The following RNF220 variants were observed in gnomAD, a reference collection of about 807,000 sequenced individuals.
The protein encoded by RNF220 is E3 ubiquitin-protein ligase RNF220.
A neutral mutation model predicts 67.1 loss-of-function variants in RNF220; 7 were observed. The ratio of observed to expected loss-of-function variants is 0.10; its 90% confidence interval spans 0.06 to 0.20. The LOEUF is 0.20. Among genes scored for constraint, RNF220 ranks in the 10% least tolerant of loss-of-function variants. The pLI is 1.00. For missense variants in RNF220, 565 were observed against 740.3 expected, an observed-to-expected ratio of 0.76 and a Z score of 2.75; for synonymous variants, 270 against 283.2, an observed-to-expected ratio of 0.95 and a Z score of 0.47.
intron 2 of RNF220, among the ~76,000 whole-genome samples, chr1:44,543,896 G>A (rs557192121): frequency 1.3e-5 from 2 of 152,288 alleles, no homozygotes; most frequent in South Asian, 4.1e-4. Flanking sequence ...CAGATGAGTG[G>A]GATTACTGGG....
chr1:44,618,279 G>A (rs1436425998), intron 3 of RNF220, among the ~76,000 whole-genome samples: 2 of 152,150 alleles, frequency 1.3e-5, no homozygotes, highest in African/African-American at 4.8e-5. Flanking sequence ...ACATATACAG[G>A]ACATGCAGGT....
At chr1:44,426,645 T>G (rs922259563) in intron 2 of RNF220, among the ~76,000 whole-genome samples, 3 of 150,674 alleles carry the variant, frequency 2.0e-5, no homozygotes, top group African/African-American at 7.3e-5. Context: ...GAGAATTGCT[T>G]GAACTCGAGA....
At chr1:44,640,119 T>G (rs985086877) in intron 8 of RNF220, among the ~76,000 whole-genome samples, 1 of 152,252 alleles carries the variant, frequency 6.6e-6, no homozygotes, top group Non-Finnish European at 1.5e-5. Context: ...GGCTATTTCT[T>G]GATAAAACTT....
At chr1:44,407,501 C>G (rs879401378) in intron 1 of RNF220, among the ~76,000 whole-genome samples, 1 of 151,984 alleles carries the variant, frequency 6.6e-6, no homozygotes, top group Non-Finnish European at 1.5e-5. Context: ...CCGCAGAGAC[C>G]CGGCAAAAGT....
chr1:44,552,973 C>T (rs1255658925), intron 2 of RNF220, among the ~76,000 whole-genome samples: 3 of 152,176 alleles, frequency 2.0e-5, no homozygotes, highest in African/African-American at 4.8e-5. Flanking sequence ...AAATTCCAGC[C>T]GTGCTGAGTT....
chr1:44,596,047 C>T (rs904327084), intron 2 of RNF220, among the ~76,000 whole-genome samples: 10 of 152,286 alleles, frequency 6.6e-5, no homozygotes, highest in Middle Eastern at 3.4e-3. Context: ...TACGGGCGTG[C>T]GCCGCCATGC....
chr1:44,486,533 T>C (rs1392702744), intron 2 of RNF220, among the ~76,000 whole-genome samples: 1 of 152,236 alleles, frequency 6.6e-6, no homozygotes, highest in Non-Finnish European at 1.5e-5. Context: ...TTAACATTGA[T>C]CTATGGACCC....
chr1:44,517,838 G>T (rs1659576911), intron 2 of RNF220, among the ~76,000 whole-genome samples: 1 of 152,254 alleles, frequency 6.6e-6, no homozygotes, highest in Admixed American at 6.5e-5. Context: ...CAGGTACGGT[G>T]GTCCACACCT....
At chr1:44,572,931 G>T in intron 2 of RNF220, 2 of 358,560 alleles carry the variant, frequency 5.6e-6, no homozygotes, top group South Asian at 2.1e-5. Flanking sequence ...AGATCCTCCA[G>T]GTGGAAATCA....
intron 2 of RNF220, among the ~76,000 whole-genome samples, chr1:44,436,402 TCA>T (rs1315151049): frequency 9.4e-5 from 11 of 116,658 alleles, no homozygotes; most frequent in Admixed American, 1.9e-4. Context: ...GTGTGTGTGC[TCA>T]CACACACACA....
intron 2 of RNF220, among the ~76,000 whole-genome samples, chr1:44,560,625 G>C (rs559153656): frequency 7.9e-5 from 12 of 152,254 alleles, no homozygotes; most frequent in Admixed American, 2.0e-4. Flanking sequence ...GCAATGAGGC[G>C]ATCTCTGCTC....
chr1:44,563,085 T>C (rs1399744642), intron 2 of RNF220, among the ~76,000 whole-genome samples: 1 of 152,232 alleles, frequency 6.6e-6, no homozygotes, highest in Admixed American at 6.5e-5. Flanking sequence ...CAGAGGGGGA[T>C]GCACTTATGA....
intron 2 of RNF220, among the ~76,000 whole-genome samples, chr1:44,418,946 C>G (rs1045185941): frequency 2.6e-5 from 4 of 152,040 alleles, no homozygotes; most frequent in Admixed American, 1.3e-4. Flanking sequence ...TAATAAATAT[C>G]GAAGCACACC....
chr1:44,550,507 G>A (rs1335546183), intron 2 of RNF220, among the ~76,000 whole-genome samples: 1 of 152,200 alleles, frequency 6.6e-6, no homozygotes, highest in Non-Finnish European at 1.5e-5. Context: ...AGAATCTGCG[G>A]CCCTCTCAAC....
At chr1:44,407,730 G>GCTGGAAGGGC (rs1647521985) in intron 1 of RNF220, among the ~76,000 whole-genome samples, 1 of 152,146 alleles carries the variant, frequency 6.6e-6, no homozygotes, top group Admixed American at 6.5e-5. Flanking sequence ...CAGTCCAGGA[G>GCTGGAAGGGC]CTGGAAGGGC....
chr1:44,649,244 G>A lies in RNF220; in HGVS notation c.1446-417G>A, dbSNP rs1644727011. On this transcript the variant is annotated intron_variant, in intron 12 of 14. Coordinates refer to ENST00000361799, the MANE Select transcript of RNF220 (RefSeq NM_018150.4). The surrounding 1 kb of genome is among the most constrained non-coding windows in gnomAD (Gnocchi z 5.9). ...GAGAACATAAATTCCTCTAGGCGCT[G>A]GGAGAGTGGAATAGAGATGAGGGGC... The A allele has an allele frequency of 4.3e-6, 1 of 232,330 alleles. No homozygotes were observed. The highest frequency in any genetic ancestry group is 2.3e-5 in the African/African-American group (1 of 42,860). The allele number at this position is 232,330 out of a possible 1,614,324, so 14.4% of individuals were successfully genotyped here. A position where few individuals can be genotyped will look rare whatever the true frequency, so the allele number is the denominator to read the frequency against.
chr1:44,631,241 A>G (rs946710959), intron 5 of RNF220, among the ~76,000 whole-genome samples: 4 of 152,248 alleles, frequency 2.6e-5, no homozygotes, highest in African/African-American at 9.6e-5. Context: ...ACTCTTACAC[A>G]AGGCAAAGCT....
At chr1:44,587,297 G>C (rs150333255) in intron 2 of RNF220, among the ~76,000 whole-genome samples, 44 of 151,948 alleles carry the variant, frequency 2.9e-4, no homozygotes, top group Non-Finnish European at 5.6e-4. Flanking sequence ...ACAGGCACCC[G>C]CCACCACGCC....
chr1:44,464,648 A>G (rs1021223146), intron 2 of RNF220, among the ~76,000 whole-genome samples: 16 of 152,308 alleles, frequency 1.1e-4, no homozygotes, highest in African/African-American at 3.8e-4. Flanking sequence ...TAGCTATTAT[A>G]TCAAAGAAAC....
Sources: allele counts gnomAD v4.1 joint callset (sites outside exome capture counted in the v4.1 genomes callset), GRCh38; gene constraint gnomAD v4.1.1; non-coding constraint Gnocchi (gnomAD v3.1); transcripts MANE v1.5; gene names NCBI Gene and HGNC (gene_info 2026-07-23, HGNC 2026-07-21).